ATP10B: variants seen among roughly 807,000 people sequenced by gnomAD.
The protein encoded by ATP10B is phospholipid-transporting ATPase VB.
In ATP10B, 122 loss-of-function variants were observed where a neutral mutation model predicts 141.2. That is an observed-to-expected ratio of 0.86 (90% confidence interval 0.75 to 1.00). The LOEUF is 1.00. ATP10B is among the 50% of genes least tolerant of loss of function. The pLI is 0.00. For missense variants in ATP10B, 1,876 were observed against 1,825.3 expected (o/e 1.03, Z -0.51); for synonymous variants, 685 against 692.0 (o/e 0.99, Z 0.16).
At chr5:160,879,588 C>A in the ATP10B span, among the ~76,000 whole-genome samples, 6 of 150,724 alleles carry the variant, frequency 4.0e-5, no homozygotes, top group African/African-American at 1.5e-4. Flanking sequence ...GCCTGTAATC[C>A]CACACTTTGG....
intron 1 of ATP10B, among the ~76,000 whole-genome samples, chr5:160,790,093 T>TC (rs902102775): frequency 3.3e-5 from 5 of 152,068 alleles, no homozygotes; most frequent in African/African-American, 1.2e-4. Flanking sequence ...TCCAAGTTGA[T>TC]CCCCCAGAGG....
At chr5:160,896,719 A>G in the ATP10B span, among the ~76,000 whole-genome samples, 1 of 152,204 alleles carries the variant, frequency 6.6e-6, no homozygotes, top group Non-Finnish European at 1.5e-5. Context: ...TCCTGATACC[A>G]AAACCTGGCA....
chr5:160,692,551 TA>T (rs986541100), intron 3 of ATP10B: 2 of 152,194 alleles, frequency 1.3e-5, no homozygotes, highest in African/African-American at 4.8e-5. Context: ...ATTAGAGTCA[TA>T]AGGGTTTTGT....
At chr5:160,603,893 C>T in intron 20 of ATP10B, 72 bp downstream of exon 20, 1 of 1,397,074 alleles carries the variant, frequency 7.2e-7, no homozygotes, top group East Asian at 2.3e-5. Flanking sequence ...AGAAGTTTCT[C>T]CAACACTCTG....
chr5:160,917,439 C>A, the ATP10B span, among the ~76,000 whole-genome samples: 2 of 152,060 alleles, frequency 1.3e-5, no homozygotes, highest in Non-Finnish European at 2.9e-5. Flanking sequence ...TGGGAACAGG[C>A]AACAGAAGGC....
At chr5:160,883,842 T>C in the ATP10B span, among the ~76,000 whole-genome samples, 1 of 151,772 alleles carries the variant, frequency 6.6e-6, no homozygotes, top group African/African-American at 2.4e-5. Context: ...TGAGTCATTA[T>C]GGCTGCTTTC....
chr5:160,565,455 A>G lies in ATP10B; in HGVS notation c.4384T>C (p.Ter1462ArgextTer14), dbSNP rs765552649. 1 of 1,613,882 alleles carries G rather than the reference A, an allele frequency of 6.2e-7. No homozygotes were observed. ...TTTGTACAGATTTCTGCAGCTCCTC[A>G]TATGGTCAGTGAACTCTGGGATCGG... ...HRRSQSSLTI[*>R] Residue 1462 changes from the stop codon to arginine (R), a stop_lost, in exon 26 of 26, where the codon TGA (stop) becomes CGA (arginine). Transcript: ENST00000327245.
intron 1 of ATP10B, among the ~76,000 whole-genome samples, chr5:160,810,822 T>C (rs1773103780): frequency 6.6e-6 from 1 of 152,260 alleles, no homozygotes; most frequent in Non-Finnish European, 1.5e-5. Flanking sequence ...ATTGCTTTAG[T>C]GTCTTTTTCA....
intron 11 of ATP10B, among the ~76,000 whole-genome samples, chr5:160,635,796 C>G (rs1318842686): frequency 6.6e-6 from 1 of 152,184 alleles, no homozygotes; most frequent in Non-Finnish European, 1.5e-5. Context: ...CGTGATTTCT[C>G]TCTCTCAATG....
chr5:160,741,381 G>T (rs1767468607), intron 2 of ATP10B, among the ~76,000 whole-genome samples: 1 of 152,216 alleles, frequency 6.6e-6, no homozygotes, highest in East Asian at 1.9e-4. Context: ...GTCTCTGTAG[G>T]AGTTCTTCCC....
chr5:160,709,608 ATT>A (rs34526186), intron 3 of ATP10B, among the ~76,000 whole-genome samples: 1 of 143,170 alleles, frequency 7.0e-6, no homozygotes. Context: ...TTTTTTTTTA[ATT>A]TTTTTTTTTT....
the ATP10B span, among the ~76,000 whole-genome samples, chr5:160,904,408 T>C: frequency 6.6e-6 from 1 of 152,140 alleles, no homozygotes; most frequent in Admixed American, 6.5e-5. Context: ...CACATGGATG[T>C]AAGATAGGTG....
At chr5:160,782,793 T>TACAC (rs77615170) in intron 2 of ATP10B, among the ~76,000 whole-genome samples, 2 of 149,240 alleles carry the variant, frequency 1.3e-5, no homozygotes, top group African/African-American at 2.5e-5. Flanking sequence ...GACATGTACA[T>TACAC]ACACACACAC....
At chr5:160,759,457 T>TA (rs1224579843) in intron 2 of ATP10B, among the ~76,000 whole-genome samples, 2 of 152,252 alleles carry the variant, frequency 1.3e-5, no homozygotes, top group Admixed American at 1.3e-4. Flanking sequence ...ATGATGTGTC[T>TA]ATAATTATCA....
chr5:160,725,803 G>A (rs1766308860), intron 2 of ATP10B, among the ~76,000 whole-genome samples: 1 of 152,172 alleles, frequency 6.6e-6, no homozygotes, highest in Non-Finnish European at 1.5e-5. Context: ...TATTCTGAAT[G>A]CTACATTGGT....
At chr5:160,648,434 C>G (rs1760452197) in intron 8 of ATP10B, among the ~76,000 whole-genome samples, 1 of 152,142 alleles carries the variant, frequency 6.6e-6, no homozygotes, top group Non-Finnish European at 1.5e-5. Flanking sequence ...TTTGGACACC[C>G]CTGTAGAAAA....
chr5:160,633,946 C>G (rs1759133783), intron 12 of ATP10B: 1 of 347,052 alleles, frequency 2.9e-6, no homozygotes, highest in Non-Finnish European at 5.6e-6. Flanking sequence ...TTAAATCTGA[C>G]CATGCACCTA....
At chr5:160,615,248 C>T (rs142597197) in intron 17 of ATP10B, among the ~76,000 whole-genome samples, 17 of 152,034 alleles carry the variant, frequency 1.1e-4, no homozygotes, top group East Asian at 7.7e-4. Flanking sequence ...CCCCCCAGCC[C>T]GGGACCTCCA....
intron 18 of ATP10B, among the ~76,000 whole-genome samples, chr5:160,611,131 G>A (rs768221769): frequency 3.3e-5 from 5 of 152,146 alleles, no homozygotes; most frequent in Non-Finnish European, 7.3e-5. Context: ...CAGGTTTAGT[G>A]AGCCCAAGGG....
Sources: gnomAD v4.1 joint callset for allele counts (sites outside exome capture counted in the v4.1 genomes callset) on GRCh38, gnomAD v4.1.1 for gene constraint, MANE v1.5 for transcripts, NCBI Gene and HGNC (gene_info 2026-07-23, HGNC 2026-07-21) for gene names.